Variants in BIVM observed in about 807,000 individuals in gnomAD.
BIVM encodes the protein basic immunoglobulin-like variable motif-containing protein.
Under a neutral mutation model 61.4 loss-of-function variants are expected in BIVM, and 31 were observed. That is an observed-to-expected ratio of 0.51 (90% CI 0.38 to 0.68). BIVM has a LOEUF of 0.68. Among genes scored for constraint, BIVM ranks in the 30% least tolerant of loss-of-function variants. The pLI, the probability that BIVM is intolerant of heterozygous loss-of-function variation, is 0.00. For synonymous variants in BIVM, 189 were observed against 210.7 expected (o/e 0.90, Z 0.89); for missense variants, 526 against 596.0 (o/e 0.88, Z 1.22).
chr13:102,810,835 C>A (rs376550558), intron 3 of BIVM, among the ~76,000 whole-genome samples: 7 of 152,178 alleles, frequency 4.6e-5, no homozygotes, highest in African/African-American at 1.7e-4. Flanking sequence ...CTTAAGCAAT[C>A]CTCCCACTTC....
chr13:102,826,275 C>T lies in BIVM; in HGVS notation c.901+4116C>T, dbSNP rs78917977. Among the ~76,000 whole-genome samples, 1,591 of 152,264 alleles carry T rather than the reference C, an allele frequency of 0.01. 79 individuals are homozygous for T. In the East Asian group the frequency reaches 0.13, roughly 13 times the overall value. The stretch of plus-strand genomic sequence containing the variant: ...ACACTCCCAGACACACACTCACCTG[C>T]ACCTGTGTGCTAGATCTGCCCTGCT... On this transcript the variant is annotated intron_variant, in intron 7 of 10. Coordinates refer to ENST00000257336, the MANE Select transcript of BIVM (RefSeq NM_017693.4).
At chr13:102,810,863 G>T (rs1171498209) in intron 3 of BIVM, among the ~76,000 whole-genome samples, 1 of 152,058 alleles carries the variant, frequency 6.6e-6, no homozygotes, top group Non-Finnish European at 1.5e-5. Context: ...TGAGTAGCTG[G>T]GACTACAGGT....
At chr13:102,822,519 T>G (rs1880367732) in intron 7 of BIVM, among the ~76,000 whole-genome samples, 1 of 152,122 alleles carries the variant, frequency 6.6e-6, no homozygotes, top group Non-Finnish European at 1.5e-5. Flanking sequence ...CAGCATGGAG[T>G]TAGCAGTTTT....
In BIVM at chr13:102,834,460, A is replaced by G. The variant is rs199564181; in HGVS notation, c.1035-6A>G. 2.5e-4 allele frequency: 404 copies of G among 1,592,486 alleles called. 2 individuals are homozygous for G. In the African/African-American group the frequency reaches 4.9e-3, roughly 19 times the overall value. On this transcript the variant is annotated splice_polypyrimidine_tract_variant and splice_region_variant and intron_variant, in intron 8 of 10. Coordinates refer to ENST00000257336, the MANE Select transcript of BIVM (RefSeq NM_017693.4). ...TAAACGTACTGTGAATGTATTTTAT[A>G]TTTAGCAGGGGACCTCTCTCACCAC...
At chr13:102,834,404 T>G in intron 8 of BIVM, 62 bp from the exon 9 acceptor site, 1 of 1,464,812 alleles carries the variant, frequency 6.8e-7, no homozygotes, top group Non-Finnish European at 9.2e-7. Flanking sequence ...TTAATATATA[T>G]TTGAAGCAAT....
chr13:102,801,214 C>T (rs1221748399), intron 1 of BIVM, among the ~76,000 whole-genome samples: 1 of 151,696 alleles, frequency 6.6e-6, no homozygotes, highest in African/African-American at 2.4e-5. Context: ...ATTAGTTGAG[C>T]CTGAGGTCCT....
Position 102,829,763 on chromosome 13 carries a change from G to A in BIVM, c.902-1802G>A, listed in dbSNP as rs571469654. 2.0e-4 allele frequency among the ~76,000 whole-genome samples: 30 copies of A among 152,112 alleles called. No individual in the cohort carries two copies. In the South Asian group the frequency reaches 3.9e-3, roughly 20 times the overall value. On this transcript the variant is annotated intron_variant, in intron 7 of 10. Coordinates refer to ENST00000257336, the MANE Select transcript of BIVM (RefSeq NM_017693.4). ...CTGAGGCATGAGGATTGTTTGAACC[G>A]GGGAGGTAGAGGTTGCAGTGAGCCG...
chr13:102,826,028 A>G (rs1422374522), intron 7 of BIVM, among the ~76,000 whole-genome samples: 1 of 152,214 alleles, frequency 6.6e-6, no homozygotes, highest in Non-Finnish European at 1.5e-5. Flanking sequence ...TTAGGTGCTC[A>G]GTAGGAGTTA....
Position 102,807,454 on chromosome 13 carries a change from C to G in BIVM, c.187C>G (p.Arg63Gly). Residue 63 changes from arginine (R) to glycine (G), a missense_variant, in exon 3 of 11, where the codon CGG (arginine) becomes GGG (glycine). Arg to Gly is a moderately radical substitution (Grantham distance 125, BLOSUM62 -2). Transcript: ENST00000257336. The surrounding 1 kb of genome is among the most constrained non-coding windows in gnomAD (Gnocchi z 4.0). ...ATGGAGTTGTCCAGTGACTCATACA[C>G]GGGAAAAAATTTATGCCATCTGTTC... ...YPWSCPVTHT[R>G]EKIYAICSDY... The G allele has an allele frequency of 1.2e-6, 2 of 1,614,138 alleles. No individual in the cohort carries two copies. The highest frequency in any genetic ancestry group is 1.7e-6 in the Non-Finnish European group (2 of 1,180,010).
intron 4 of BIVM, among the ~76,000 whole-genome samples, chr13:102,819,176 G>A (rs1286195576): frequency 6.6e-6 from 1 of 152,162 alleles, no homozygotes; most frequent in Non-Finnish European, 1.5e-5. Context: ...CAGATTACTT[G>A]AATAAGGACA....
Position 102,832,390 on chromosome 13 carries a change from C to T in BIVM, c.1034+693C>T, listed in dbSNP as rs142803849. Among the ~76,000 whole-genome samples the T allele has an allele frequency of 4.4e-3, 668 of 152,088 alleles. 6 individuals carry two copies. The highest frequency in any genetic ancestry group is 0.015 in the African/African-American group (620 of 41,484). ...TTTTAATTTGTGTTTTCTATAGAGA[C>T]GGGGTCTTGCTATGTTGTGCAGGCT... On this transcript the variant is annotated intron_variant, in intron 8 of 10. Transcript: ENST00000257336.
At chr13:102,817,934 G>T (rs1356820778) in intron 4 of BIVM, among the ~76,000 whole-genome samples, 1 of 152,152 alleles carries the variant, frequency 6.6e-6, no homozygotes, top group East Asian at 1.9e-4. Flanking sequence ...AAACAGAGAT[G>T]CACACAACAT....
intron 7 of BIVM, among the ~76,000 whole-genome samples, chr13:102,827,343 A>C (rs917082489): frequency 6.6e-6 from 1 of 151,698 alleles, no homozygotes; most frequent in Non-Finnish European, 1.5e-5. Flanking sequence ...TCATTGAGGA[A>C]TGGGATAAAC....
At position 102,839,890 on chromosome 13, in the gene BIVM, C is replaced by T. The variant is rs750550707; in HGVS notation, c.*25C>T. The T allele has an allele frequency of 1.3e-6, 2 of 1,591,870 alleles. No individual in the cohort carries two copies. Among genetic ancestry groups the T allele is most frequent in the Non-Finnish European group, 1.7e-6 (2 of 1,172,496 alleles). The stretch of plus-strand genomic sequence containing the variant: ...ACTATGCTTGCTACTGAACAGCTGG[C>T]ATTATATATGAAACTGCTATATACA... On this transcript the variant is annotated 3_prime_UTR_variant, in exon 11 of 11. Coordinates refer to ENST00000257336, the MANE Select transcript of BIVM (RefSeq NM_017693.4).
intron 7 of BIVM, among the ~76,000 whole-genome samples, chr13:102,822,756 T>C (rs1160597579): frequency 6.6e-6 from 1 of 152,230 alleles, no homozygotes; most frequent in Non-Finnish European, 1.5e-5. Context: ...GTTACAATCT[T>C]TTGACTGTGT....
At chr13:102,831,017 C>T (rs1311620905) in intron 7 of BIVM, among the ~76,000 whole-genome samples, 1 of 152,128 alleles carries the variant, frequency 6.6e-6, no homozygotes, top group African/African-American at 2.4e-5. Context: ...TTGATTATTA[C>T]CTGGAGTTTA....
At chr13:102,825,751 G>T (rs1468323786) in intron 7 of BIVM, among the ~76,000 whole-genome samples, 1 of 152,122 alleles carries the variant, frequency 6.6e-6, no homozygotes, top group Non-Finnish European at 1.5e-5. Flanking sequence ...CTATTTATTT[G>T]TCCATCCTGG....
chr13:102,832,915 C>T (rs966751882), intron 8 of BIVM, among the ~76,000 whole-genome samples: 1 of 152,042 alleles, frequency 6.6e-6, no homozygotes, highest in African/African-American at 2.4e-5. Context: ...GCCACTTTTC[C>T]TTATGATGGG....
chr13:102,832,044 C>T (rs1395071833), intron 8 of BIVM, among the ~76,000 whole-genome samples: 1 of 151,962 alleles, frequency 6.6e-6, no homozygotes, highest in Admixed American at 6.6e-5. Flanking sequence ...GGAGGCTTGG[C>T]CATCTGCTTT....
Sources: gnomAD v4.1 joint callset for allele counts (sites outside exome capture counted in the v4.1 genomes callset) on GRCh38, gnomAD v4.1.1 for gene constraint, Gnocchi (gnomAD v3.1) non-coding constraint, MANE v1.5 for transcripts, NCBI Gene and HGNC (gene_info 2026-07-23, HGNC 2026-07-21) for gene names.